SPIDR: variants seen among roughly 807,000 people sequenced by gnomAD.
SPIDR encodes the protein scaffold protein involved in DNA repair, also known as DNA repair-scaffolding protein.
In SPIDR, 93 loss-of-function variants were observed where a neutral mutation model predicts 104.6. The observed-to-expected ratio is 0.89, with a 90% confidence interval of 0.75 to 1.06. The LOEUF (loss-of-function observed/expected upper bound fraction) is 1.06. Among genes scored for constraint, SPIDR ranks in the 50% least tolerant of loss-of-function variants. The probability of loss-of-function intolerance (pLI) is 0.00; values close to 1 mark genes in which losing one functional copy is unlikely to be tolerated. For missense variants in SPIDR, 1,154 were observed against 1,111.2 expected (o/e 1.04, Z -0.55); for synonymous variants, 431 against 416.9 (o/e 1.03, Z -0.41).
At chr8:47,431,027 A>G (rs1336459784) in intron 7 of SPIDR, among the ~76,000 whole-genome samples, 3 of 152,198 alleles carry the variant, frequency 2.0e-5, no homozygotes, top group Non-Finnish European at 4.4e-5. Context: ...TCAGGCTGCC[A>G]TCACAAAATC....
chr8:47,401,983 C>A (rs949019968), intron 6 of SPIDR, among the ~76,000 whole-genome samples: 16 of 152,144 alleles, frequency 1.1e-4, no homozygotes, highest in Non-Finnish European at 1.9e-4. Flanking sequence ...ACCTAGCAGA[C>A]CTAATAGACA....
At chr8:47,291,223 A>C in intron 4 of SPIDR, 86 bp downstream of exon 4, 1 of 853,122 alleles carries the variant, frequency 1.2e-6, no homozygotes, top group South Asian at 2.7e-5. Context: ...GTAAATTGAT[A>C]ATTTTGTTAG....
chr8:47,420,525 G>A (rs1554679366), intron 7 of SPIDR, among the ~76,000 whole-genome samples: 1 of 152,068 alleles, frequency 6.6e-6, no homozygotes, highest in Admixed American at 6.6e-5. Flanking sequence ...AATGAGATGG[G>A]TTTCCTGAAT....
intron 7 of SPIDR, among the ~76,000 whole-genome samples, chr8:47,427,534 T>C (rs1351136136): frequency 6.6e-6 from 1 of 152,160 alleles, no homozygotes; most frequent in Non-Finnish European, 1.5e-5. Flanking sequence ...TAGTGATCCT[T>C]TTTCCTTGGA....
chr8:47,499,951 A>G (rs958317660), intron 8 of SPIDR, among the ~76,000 whole-genome samples: 14 of 152,160 alleles, frequency 9.2e-5, no homozygotes, highest in African/African-American at 2.9e-4. Flanking sequence ...CTTCATCCAT[A>G]TCCCTACAAA....
At chr8:47,563,111 A>T (rs1016965169) in intron 8 of SPIDR, among the ~76,000 whole-genome samples, 2 of 149,594 alleles carry the variant, frequency 1.3e-5, no homozygotes, top group African/African-American at 5.0e-5. Flanking sequence ...TGTTTTGTTC[A>T]TTAAATTCTC....
rs2078882056 is a variant in SPIDR, at chr8:47,492,545, CTT to C, written c.1097+52005_1097+52006del. Reference sequence around the variant, plus strand: ...GTCATAGACTTCCTCCAGAATGACTCTTTGGTTCCTTTTCTTTTCCATTTTCA... The same window carrying C: ...GTCATAGACTTCCTCCAGAATGACTCTGGTTCCTTTTCTTTTCCATTTTCA... On this transcript the variant is annotated intron_variant, in intron 8 of 19. Transcript: ENST00000297423. Among the ~76,000 whole-genome samples the C allele has an allele frequency of 2.6e-5, 4 of 152,282 alleles. No homozygotes were observed. In the South Asian group the frequency reaches 8.3e-4, roughly 32 times the overall value.
chr8:47,275,104 A>G (rs1259483111), intron 1 of SPIDR, among the ~76,000 whole-genome samples: 1 of 151,250 alleles, frequency 6.6e-6, no homozygotes, highest in African/African-American at 2.4e-5. Context: ...CTGAAAATAC[A>G]AAAAATTAGC....
chr8:47,328,303 G>A (rs2048047586), intron 5 of SPIDR, among the ~76,000 whole-genome samples: 1 of 151,760 alleles, frequency 6.6e-6, no homozygotes, highest in Admixed American at 6.6e-5. Flanking sequence ...CTGTCACTCA[G>A]GCTGGAGTGC....
chr8:47,382,115 C>T (rs929883251), intron 5 of SPIDR, among the ~76,000 whole-genome samples: 2 of 152,208 alleles, frequency 1.3e-5, no homozygotes, highest in Non-Finnish European at 2.9e-5. Context: ...CAAAGAGGCA[C>T]TGCTTCATCT....
intron 5 of SPIDR, among the ~76,000 whole-genome samples, chr8:47,304,775 A>G (rs1323601259): frequency 6.6e-6 from 1 of 152,244 alleles, no homozygotes; most frequent in Non-Finnish European, 1.5e-5. Context: ...TCTTTATACC[A>G]ATGTGAGAAT....
intron 11 of SPIDR, among the ~76,000 whole-genome samples, chr8:47,691,290 CAAAAAAAAAAAA>C (rs60147394): frequency 2.3e-5 from 2 of 86,668 alleles, no homozygotes; most frequent in East Asian, 3.1e-4. Flanking sequence ...GACTCCGTCT[CAAAAAAAAAAAA>C]AAAAAAAAGA....
intron 8 of SPIDR, among the ~76,000 whole-genome samples, chr8:47,594,974 C>T (rs1294019391): frequency 3.9e-5 from 6 of 151,922 alleles, no homozygotes; most frequent in South Asian, 2.1e-4. Context: ...CCAGCCTGGG[C>T]GACAGAGCCG....
chr8:47,293,300 A>G (rs1295405177), intron 4 of SPIDR, among the ~76,000 whole-genome samples: 6 of 152,214 alleles, frequency 3.9e-5, no homozygotes, highest in Non-Finnish European at 7.3e-5. Flanking sequence ...GAAAAAAATA[A>G]CAATACATAG....
At chr8:47,280,816 G>T (rs990553338) in intron 2 of SPIDR, among the ~76,000 whole-genome samples, 4 of 152,188 alleles carry the variant, frequency 2.6e-5, no homozygotes, top group Non-Finnish European at 5.9e-5. Context: ...GGGATTATAG[G>T]TGTGAGCCCC....
chr8:47,374,419 A>G (rs2154296823), intron 5 of SPIDR, among the ~76,000 whole-genome samples: 1 of 152,300 alleles, frequency 6.6e-6, no homozygotes, highest in East Asian at 1.9e-4. Context: ...TAAAATAAAG[A>G]CTGTATCTAT....
chr8:47,480,558 T>C (rs2076791119), intron 8 of SPIDR, among the ~76,000 whole-genome samples: 1 of 152,212 alleles, frequency 6.6e-6, no homozygotes, highest in African/African-American at 2.4e-5. Flanking sequence ...AGTTGGTGGA[T>C]GACGTCAAAT....
intron 19 of SPIDR, chr8:47,729,765 C>T (rs2084903104): frequency 2.8e-6 from 1 of 356,274 alleles, no homozygotes; most frequent in South Asian, 4.5e-5. Flanking sequence ...TCTGTCCAGG[C>T]TAGAGCACAG....
chr8:47,731,938 A>G (rs935496335), intron 19 of SPIDR, among the ~76,000 whole-genome samples: 1 of 152,206 alleles, frequency 6.6e-6, no homozygotes, highest in African/African-American at 2.4e-5. Context: ...GATAAAACGA[A>G]CCAAAACCCA....
Sources: allele counts gnomAD v4.1 joint callset (sites outside exome capture counted in the v4.1 genomes callset), GRCh38; gene constraint gnomAD v4.1.1; transcripts MANE v1.5; gene names NCBI Gene and HGNC (gene_info 2026-07-23, HGNC 2026-07-21).